Variants in GOLGA5 observed in about 807,000 individuals in gnomAD.
GOLGA5 encodes the protein golgin subfamily A member 5.
A neutral mutation model predicts 93.5 loss-of-function variants in GOLGA5; 50 were observed. The observed-to-expected ratio is 0.53, with a 90% confidence interval of 0.43 to 0.68. The LOEUF (loss-of-function observed/expected upper bound fraction) is 0.68. Among genes scored for constraint, GOLGA5 ranks in the 30% least tolerant of loss-of-function variants. The probability of loss-of-function intolerance (pLI) is 0.00; values close to 1 mark genes in which losing one functional copy is unlikely to be tolerated. For missense variants in GOLGA5, 760 were observed against 856.4 expected (o/e 0.89, Z 1.40); for synonymous variants, 312 against 304.5 (o/e 1.02, Z -0.26).
At chr14:92,797,371 A>T in intron 1 of GOLGA5, 37 bp from the exon 2 acceptor site, 1 of 1,191,320 alleles carries the variant, frequency 8.4e-7, no homozygotes, top group Non-Finnish European at 1.2e-6. Context: ...ATACTCTGCC[A>T]CTATGCCACA....
At chr14:92,799,762 C>T (rs1350883685) in intron 2 of GOLGA5, among the ~76,000 whole-genome samples, 2 of 151,922 alleles carry the variant, frequency 1.3e-5, no homozygotes, top group Non-Finnish European at 2.9e-5. Flanking sequence ...TGCACCACCA[C>T]CCTTGGCTAA....
chr14:92,797,328 C>T, intron 1 of GOLGA5, 80 bp from the exon 2 acceptor site: 1 of 790,462 alleles, frequency 1.3e-6, no homozygotes. Flanking sequence ...CCCAGGATTG[C>T]CTGACTCCAG....
chr14:92,824,713 C>T (rs1885381720), intron 9 of GOLGA5, 69 bp downstream of exon 9: 2 of 795,772 alleles, frequency 2.5e-6, no homozygotes, highest in Admixed American at 2.2e-5. Flanking sequence ...AAAAAGGACA[C>T]AGTAAGAACT....
intron 2 of GOLGA5, among the ~76,000 whole-genome samples, chr14:92,799,526 C>T (rs1018477682): frequency 6.6e-5 from 10 of 150,518 alleles, no homozygotes; most frequent in African/African-American, 1.7e-4. Context: ...CCTTGTGATC[C>T]GCCCGCCTCG....
intron 7 of GOLGA5, among the ~76,000 whole-genome samples, chr14:92,819,160 C>T (rs1315067649): frequency 2.0e-5 from 3 of 152,128 alleles, no homozygotes; most frequent in Non-Finnish European, 4.4e-5. Context: ...AGATATAAGT[C>T]TCCCAGTGAG....
intron 6 of GOLGA5, among the ~76,000 whole-genome samples, chr14:92,814,752 CTTG>C (rs1885169244): frequency 6.6e-6 from 1 of 151,876 alleles, no homozygotes; most frequent in African/African-American, 2.4e-5. Flanking sequence ...GCTGCTGGTC[CTTG>C]TTGTTCCTAG....
At chr14:92,818,229 A>G (rs1885248566) in intron 7 of GOLGA5, among the ~76,000 whole-genome samples, 1 of 152,236 alleles carries the variant, frequency 6.6e-6, no homozygotes, top group African/African-American at 2.4e-5. Flanking sequence ...TAGGTCTAAC[A>G]AAATGAAAGA....
intron 8 of GOLGA5, among the ~76,000 whole-genome samples, chr14:92,820,784 C>T (rs959994218): frequency 2.0e-5 from 3 of 152,234 alleles, no homozygotes; most frequent in Non-Finnish European, 2.9e-5. Flanking sequence ...GCACATCCTG[C>T]ACAGCCCTAG....
intron 2 of GOLGA5, among the ~76,000 whole-genome samples, chr14:92,803,726 T>C (rs1467989144): frequency 6.6e-6 from 1 of 152,228 alleles, no homozygotes; most frequent in African/African-American, 2.4e-5. Flanking sequence ...ACATTAGTTA[T>C]TCATACCAAC....
Position 92,809,246 on chromosome 14 carries a change from T to C in GOLGA5, c.773-54T>C, listed in dbSNP as rs930782136. The stretch of plus-strand genomic sequence containing the variant: ...CTCAAAGTAGAAACTGTACGTGCTC[T>C]GAGAAAAATGTGTTTGGTTTTGCTT... On this transcript the variant is annotated intron_variant, in intron 3 of 12. Transcript: ENST00000163416. 66 of 1,240,456 alleles carry C rather than the reference T, an allele frequency of 5.3e-5. No homozygotes were observed. In the African/African-American group the frequency reaches 6.3e-4, roughly 12 times the overall value. The allele number at this position is 1,240,456 out of a possible 1,614,324, so 76.8% of individuals were successfully genotyped here. A position where few individuals can be genotyped will look rare whatever the true frequency, so the allele number is the denominator to read the frequency against.
At chr14:92,805,677 G>A (rs1253749814) in intron 2 of GOLGA5, among the ~76,000 whole-genome samples, 1 of 152,066 alleles carries the variant, frequency 6.6e-6, no homozygotes, top group Non-Finnish European at 1.5e-5. Context: ...CCATTCTAGG[G>A]GGTGTCTGTT....
Position 92,797,571 on chromosome 14 carries a change from T to G in GOLGA5, c.134T>G (p.Leu45Arg), listed in dbSNP as rs1884762915. 1.2e-6 allele frequency: 2 copies of G among 1,613,642 alleles called. No homozygotes were observed. The highest frequency in any genetic ancestry group is 4.5e-5 in the East Asian group (2 of 44,886). ...IYSKNTDYTE[L>R]HQQNTDLIYQ... ...AGCAAAAATACTGACTATACTGAAC[T>G]TCACCAGCAAAATACAGATTTGATA... Residue 45 changes from leucine to arginine, a missense_variant, in exon 2 of 13, where the codon CTT (leucine) becomes CGT (arginine). Transcript: ENST00000163416.
At chr14:92,797,236 T>G (rs1264759736) in intron 1 of GOLGA5, among the ~76,000 whole-genome samples, 172 bp from the exon 2 acceptor site, 1 of 152,118 alleles carries the variant, frequency 6.6e-6, no homozygotes, top group Non-Finnish European at 1.5e-5. Context: ...TCCCCCCCAT[T>G]TTCTAGATAA....
chr14:92,816,005 G>A (rs1170607230), intron 6 of GOLGA5, among the ~76,000 whole-genome samples: 1 of 151,412 alleles, frequency 6.6e-6, no homozygotes, highest in East Asian at 1.9e-4. Flanking sequence ...GCACCCAGCT[G>A]GAAAAAAAAA....
intron 2 of GOLGA5, among the ~76,000 whole-genome samples, chr14:92,801,858 C>A (rs1302933965): frequency 6.6e-6 from 1 of 150,994 alleles, no homozygotes; most frequent in African/African-American, 2.4e-5. Context: ...TAGTGTGTTT[C>A]TGGCCACTTA....
chr14:92,820,061 G>C (rs965746284), intron 8 of GOLGA5, among the ~76,000 whole-genome samples: 1 of 152,184 alleles, frequency 6.6e-6, no homozygotes, highest in African/African-American at 2.4e-5. Context: ...ATAAGACACA[G>C]AGACAAAGTA....
At chr14:92,825,684 G>C (rs1000253379) in intron 9 of GOLGA5, among the ~76,000 whole-genome samples, 4 of 151,914 alleles carry the variant, frequency 2.6e-5, no homozygotes, top group Non-Finnish European at 4.4e-5. Flanking sequence ...AACATAGTGA[G>C]ACCTTGTCTC....
intron 7 of GOLGA5, 111 bp downstream of exon 7, chr14:92,816,532 G>GCTTCA (rs1304182495): frequency 1.2e-5 from 8 of 659,040 alleles, no homozygotes; most frequent in South Asian, 7.8e-5. Context: ...GCTTCTCTTC[G>GCTTCA]CTTCGCTTCG....
rs1885376796 is a variant in GOLGA5, at chr14:92,824,542, G to A, written c.1621-4G>A. 1.3e-6 allele frequency: 2 copies of A among 1,517,776 alleles called. No homozygotes were observed. The highest frequency in any genetic ancestry group is 1.8e-5 in the Admixed American group (1 of 56,984). 94.0% of individuals were successfully genotyped at this position (1,517,776 alleles called of 1,614,324 possible). A position where few individuals can be genotyped will look rare whatever the true frequency, so the allele number is the denominator to read the frequency against. ...TTCTGTTTTGTTTGTGCCTCACTTT[G>A]CAGGAGTTCCACTATATAGAAGAAG... On this transcript the variant is annotated splice_region_variant and splice_polypyrimidine_tract_variant and intron_variant, in intron 8 of 12. Coordinates refer to ENST00000163416, the MANE Select transcript of GOLGA5 (RefSeq NM_005113.4).
Sources: allele counts gnomAD v4.1 joint callset (sites outside exome capture counted in the v4.1 genomes callset), GRCh38; gene constraint gnomAD v4.1.1; transcripts MANE v1.5; gene names NCBI Gene and HGNC (gene_info 2026-07-23, HGNC 2026-07-21).